The following NCOA2 variants were observed in gnomAD, a reference collection of about 807,000 sequenced individuals.
The protein encoded by NCOA2 is nuclear receptor coactivator 2.
NCOA2 carries 21 observed loss-of-function variants against 145.1 expected under a neutral mutation model. That is an observed-to-expected ratio of 0.14 (90% CI 0.10 to 0.21). NCOA2 has a LOEUF of 0.21. Ranked by LOEUF, NCOA2 falls within the 10% of genes least tolerant of loss-of-function variation. NCOA2 has a pLI of 1.00. For synonymous variants in NCOA2, 619 were observed against 637.5 expected (o/e 0.97, Z 0.44); for missense variants, 1,472 against 1,837.6 (o/e 0.80, Z 3.64).
At chr8:70,165,984 C>T (rs1444705087) in intron 7 of NCOA2, among the ~76,000 whole-genome samples, 3 of 152,076 alleles carry the variant, frequency 2.0e-5, no homozygotes, top group East Asian at 1.9e-4. Context: ...CCACCACGCC[C>T]GGCTACTTTT....
At chr8:70,223,647 T>A (rs1213140425) in intron 2 of NCOA2, among the ~76,000 whole-genome samples, 1 of 152,216 alleles carries the variant, frequency 6.6e-6, no homozygotes, top group Admixed American at 6.5e-5. Context: ...TCTACATTGG[T>A]TGGCGTTTTC....
At chr8:70,382,386 G>A (rs1345914407) in intron 1 of NCOA2, among the ~76,000 whole-genome samples, 1 of 152,142 alleles carries the variant, frequency 6.6e-6, no homozygotes, top group Non-Finnish European at 1.5e-5. Flanking sequence ...GGGTTGTTTA[G>A]CATAGTGTAA....
At chr8:70,411,125 A>G in the NCOA2 span, among the ~76,000 whole-genome samples, 1 of 152,210 alleles carries the variant, frequency 6.6e-6, no homozygotes, top group Non-Finnish European at 1.5e-5. Context: ...GAAGTTCCCC[A>G]GTATAATGAA....
At chr8:70,343,492 C>T (rs1355515914) in intron 1 of NCOA2, among the ~76,000 whole-genome samples, 1 of 151,658 alleles carries the variant, frequency 6.6e-6, no homozygotes, top group Non-Finnish European at 1.5e-5. Flanking sequence ...TCACTTGAAG[C>T]TTTCATTCTA....
intron 2 of NCOA2, among the ~76,000 whole-genome samples, chr8:70,245,753 G>C (rs913043559): frequency 1.3e-5 from 2 of 152,042 alleles, no homozygotes; most frequent in Admixed American, 1.3e-4. Flanking sequence ...CTGATGCATG[G>C]TCTTCCTTTC....
At chr8:70,127,453 A>T (rs1271164633) in intron 18 of NCOA2, among the ~76,000 whole-genome samples, 1 of 152,184 alleles carries the variant, frequency 6.6e-6, no homozygotes, top group East Asian at 1.9e-4. Context: ...CTGGGACAAA[A>T]GGTGACGTGG....
chr8:70,287,210 C>T (rs758103046), intron 2 of NCOA2, among the ~76,000 whole-genome samples: 16 of 152,072 alleles, frequency 1.1e-4, no homozygotes, highest in Non-Finnish European at 1.8e-4. Context: ...CACCACTGCA[C>T]TTCGGCCTGG....
At chr8:70,395,896 G>T (rs955795018) in intron 1 of NCOA2, among the ~76,000 whole-genome samples, 1 of 152,154 alleles carries the variant, frequency 6.6e-6, no homozygotes, top group Non-Finnish European at 1.5e-5. Flanking sequence ...TATTCTCGTC[G>T]ATGACAACAG....
chr8:70,354,922 T>C (rs1383279122), intron 1 of NCOA2, among the ~76,000 whole-genome samples: 3 of 152,186 alleles, frequency 2.0e-5, no homozygotes, highest in South Asian at 2.1e-4. Context: ...ATGAATTTAT[T>C]TATGGGAAAA....
At chr8:70,337,915 AG>A (rs1480871860) in intron 1 of NCOA2, among the ~76,000 whole-genome samples, 1 of 152,236 alleles carries the variant, frequency 6.6e-6, no homozygotes, top group African/African-American at 2.4e-5. Context: ...ACAACATACC[AG>A]AATCTCTGGG....
chr8:70,159,243 T>TATATATATATATATATATGTATATATA lies in NCOA2; in HGVS notation c.1124+261_1124+262insTATATATACATATATATATATATATAT, dbSNP rs869045939. Among the ~76,000 whole-genome samples the TATATATATATATATATATGTATATATA allele has an allele frequency of 4.1e-4, 34 of 82,048 alleles. 1 individual carries two copies. The East Asian group carries it at 5.2e-3, about 12-fold the overall frequency. The allele number at this position is 82,048 out of a possible 152,430, so 53.8% of individuals were successfully genotyped here. A position where few individuals can be genotyped will look rare whatever the true frequency, so the allele number is the denominator to read the frequency against. On this transcript the variant is annotated intron_variant, in intron 10 of 22. Coordinates refer to ENST00000452400, the MANE Select transcript of NCOA2 (RefSeq NM_006540.4). ...AACATTATATATATATATATATATA[T>TATATATATATATATATATGTATATATA]TTTTTTTTTTTTCCCCCAAATATTT...
chr8:70,401,117 G>A lies in NCOA2; in HGVS notation c.-77+2583C>T, dbSNP rs531148957. On this transcript the variant is annotated intron_variant, in intron 1 of 22. Transcript: ENST00000452400. ...CACACACACATACACACACACACAC[G>A]CGCACACACACATGCTTTGTAGCAG... is the stretch of plus-strand genomic sequence containing the variant. Among the ~76,000 whole-genome samples the A allele has an allele frequency of 2.0e-4, 30 of 151,688 alleles. No individual in the cohort carries two copies. The South Asian group carries it at 5.9e-3, about 30-fold the overall frequency.
intron 22 of NCOA2, among the ~76,000 whole-genome samples, chr8:70,118,329 C>A (rs776470484): frequency 7.9e-5 from 12 of 152,176 alleles, no homozygotes; most frequent in Non-Finnish European, 1.5e-4. Flanking sequence ...CTGGGAAGTG[C>A]ATTCCTGATT....
the NCOA2 span, among the ~76,000 whole-genome samples, chr8:70,456,424 T>G: frequency 1.3e-5 from 2 of 152,132 alleles, no homozygotes; most frequent in Non-Finnish European, 2.9e-5. Context: ...CCGGACGTTG[T>G]TGAGAACAGC....
At chr8:70,431,660 T>C in the NCOA2 span, among the ~76,000 whole-genome samples, 1 of 152,244 alleles carries the variant, frequency 6.6e-6, no homozygotes, top group Non-Finnish European at 1.5e-5. Flanking sequence ...TTGGGCTATA[T>C]GCATTTCAAA....
chr8:70,160,682 G>GAGAGAGGGAGA (rs371258460), intron 9 of NCOA2, among the ~76,000 whole-genome samples: 3 of 58,302 alleles, frequency 5.1e-5, no homozygotes, highest in African/African-American at 1.3e-4. Flanking sequence ...AGAGAGAGAG[G>GAGAGAGGGAGA]GAGAGAGAGA....
intron 14 of NCOA2, among the ~76,000 whole-genome samples, chr8:70,138,853 A>G (rs1810046084): frequency 6.6e-6 from 1 of 152,270 alleles, no homozygotes; most frequent in South Asian, 2.1e-4. Context: ...TTCGCATTTC[A>G]TCTTCTGTGA....
intron 4 of NCOA2, among the ~76,000 whole-genome samples, chr8:70,179,565 A>G (rs1045617721): frequency 6.6e-6 from 1 of 152,226 alleles, no homozygotes; most frequent in Non-Finnish European, 1.5e-5. Flanking sequence ...ATAAGCTTAA[A>G]TCCTTAGATA....
At chr8:70,439,565 C>T in the NCOA2 span, among the ~76,000 whole-genome samples, 26 of 152,300 alleles carry the variant, frequency 1.7e-4, 1 homozygote, top group African/African-American at 4.3e-4. Context: ...ATGAGTAGAA[C>T]GCGTGGCTCT....
Sources: gnomAD v4.1 joint callset for allele counts (sites outside exome capture counted in the v4.1 genomes callset) on GRCh38, gnomAD v4.1.1 for gene constraint, MANE v1.5 for transcripts, NCBI Gene and HGNC (gene_info 2026-07-23, HGNC 2026-07-21) for gene names.